The following IQCK variants were observed in gnomAD, a reference collection of about 807,000 sequenced individuals.
IQCK encodes IQ motif containing K.
A neutral mutation model predicts 28.1 loss-of-function variants in IQCK; 29 were observed. That is an observed-to-expected ratio of 1.03 (90% CI 0.77 to 1.41). IQCK has a LOEUF of 1.41. Ranked by LOEUF, IQCK falls within the 40% of genes most tolerant of loss-of-function variation. The probability of loss-of-function intolerance (pLI) is 0.00; values close to 1 mark genes in which losing one functional copy is unlikely to be tolerated. For missense variants in IQCK, 359 were observed against 314.7 expected, an observed-to-expected ratio of 1.14 and a Z score of -1.07; for synonymous variants, 113 against 115.1, an observed-to-expected ratio of 0.98 and a Z score of 0.12.
intron 4 of IQCK, among the ~76,000 whole-genome samples, chr16:19,763,488 GC>G (rs1269899134): frequency 6.6e-6 from 1 of 152,098 alleles, no homozygotes; most frequent in African/African-American, 2.4e-5. Flanking sequence ...TATTGCCCAG[GC>G]TGGAGTGCAG....
chr16:19,750,637 T>C (rs932750543), intron 4 of IQCK, among the ~76,000 whole-genome samples: 2 of 151,116 alleles, frequency 1.3e-5, no homozygotes, highest in Non-Finnish European at 2.9e-5. Context: ...AATTTTTGTG[T>C]TTTTAGTAGA....
chr16:19,835,054 C>T lies in IQCK; in HGVS notation c.802+7917C>T, dbSNP rs140697402. 4.5e-3 allele frequency among the ~76,000 whole-genome samples: 687 copies of T among 152,146 alleles called. 6 individuals are homozygous for T. Among genetic ancestry groups the T allele is most frequent in the African/African-American group, 0.015 (621 of 41,502 alleles). On this transcript the variant is annotated intron_variant, in intron 9 of 9. Coordinates refer to the IQCK transcript ENST00000320394. The stretch of plus-strand genomic sequence containing the variant: ...CCGAGGCAGGCGGATCACTTGAGGC[C>T]GGGAGTTTGAGATCAGCCTGGCCAA...
chr16:19,718,311 C>T lies in IQCK; in HGVS notation c.5C>T (p.Ala2Val), dbSNP rs984467903. Residue 2 changes from alanine (A) to valine (V), a missense_variant, in exon 1 of 8, where the codon GCG (alanine) becomes GTG (valine). By Grantham distance (64) the Ala-to-Val change is moderately conservative. Transcript: ENST00000564186. ...GTTACCGTGGAAACCGCGGCCATGG[C>T]GGCACCGCGGCAAATCCCCAGCCAC... 8 of 1,604,632 alleles carry T rather than the reference C, an allele frequency of 5.0e-6. No individual in the cohort carries two copies. The highest frequency in any genetic ancestry group is 3.4e-5 in the Admixed American group (2 of 59,154).
chr16:19,856,259 G>A (rs946070931), intron 9 of IQCK, among the ~76,000 whole-genome samples: 11 of 152,194 alleles, frequency 7.2e-5, no homozygotes, highest in African/African-American at 2.7e-4. Flanking sequence ...ATTAAGAATG[G>A]CCATGAACAG....
intron 4 of IQCK, among the ~76,000 whole-genome samples, chr16:19,745,099 C>T (rs1030615319): frequency 5.3e-5 from 8 of 152,142 alleles, no homozygotes; most frequent in African/African-American, 9.7e-5. Context: ...TAAAAAATTT[C>T]AAAAGAAGCA....
At chr16:19,778,516 G>A (rs943616589) in intron 6 of IQCK, among the ~76,000 whole-genome samples, 3 of 151,988 alleles carry the variant, frequency 2.0e-5, no homozygotes, top group African/African-American at 7.2e-5. Flanking sequence ...AATTAGCTGG[G>A]TGTGATGGCA....
intron 1 of IQCK, among the ~76,000 whole-genome samples, chr16:19,720,957 A>C (rs936628190): frequency 6.6e-6 from 1 of 151,824 alleles, no homozygotes; most frequent in Non-Finnish European, 1.5e-5. Flanking sequence ...GGTTGCAATG[A>C]CCTGAGATCG....
intron 9 of IQCK, among the ~76,000 whole-genome samples, chr16:19,852,623 T>A (rs2056498171): frequency 6.8e-6 from 1 of 147,898 alleles, no homozygotes; most frequent in Admixed American, 6.7e-5. Flanking sequence ...CTTCAACTTT[T>A]TTTTTTTTTT....
chr16:19,763,066 A>G (rs976753120), intron 4 of IQCK, among the ~76,000 whole-genome samples: 2 of 152,092 alleles, frequency 1.3e-5, no homozygotes, highest in African/African-American at 4.8e-5. Context: ...TCAAAACTTA[A>G]CTACTAATAG....
chr16:19,762,947 C>T (rs1347171533), intron 4 of IQCK, among the ~76,000 whole-genome samples: 1 of 151,942 alleles, frequency 6.6e-6, no homozygotes, highest in Admixed American at 6.6e-5. Flanking sequence ...GCTCGGGAGG[C>T]AGAAGTTGCA....
At chr16:19,750,018 C>G (rs1346436248) in intron 4 of IQCK, among the ~76,000 whole-genome samples, 1 of 152,140 alleles carries the variant, frequency 6.6e-6, no homozygotes, top group Admixed American at 6.5e-5. Context: ...ATGCGTGACC[C>G]CAGACCTTGC....
At chr16:19,815,496 AAAAACAAAAC>A (rs374060728) in intron 7 of IQCK, among the ~76,000 whole-genome samples, 31 of 151,850 alleles carry the variant, frequency 2.0e-4, no homozygotes, top group East Asian at 3.9e-4. Flanking sequence ...ACAATTAGGA[AAAAACAAAAC>A]AAAACAAAAC....
At chr16:19,734,553 C>T (rs909889709) in intron 3 of IQCK, among the ~76,000 whole-genome samples, 8 of 150,276 alleles carry the variant, frequency 5.3e-5, no homozygotes, top group African/African-American at 1.5e-4. Context: ...CGCTTGCACT[C>T]GGGAAGCGGA....
intron 7 of IQCK, among the ~76,000 whole-genome samples, chr16:19,809,721 G>A (rs1304032994): frequency 6.6e-6 from 1 of 152,240 alleles, no homozygotes; most frequent in African/African-American, 2.4e-5. Flanking sequence ...ATGGGGCACA[G>A]TGCAGCGGTT....
At chr16:19,841,847 CTT>C (rs35552172) in intron 9 of IQCK, among the ~76,000 whole-genome samples, 93 of 143,452 alleles carry the variant, frequency 6.5e-4, no homozygotes, top group Admixed American at 1.2e-3. Flanking sequence ...TGTAAGCCAT[CTT>C]TTTTTTTTTT....
At chr16:19,729,634 T>A (rs915708775) in intron 1 of IQCK, among the ~76,000 whole-genome samples, 1 of 151,616 alleles carries the variant, frequency 6.6e-6, no homozygotes, top group African/African-American at 2.4e-5. Flanking sequence ...TATTTTATTT[T>A]ATTTATTTAT....
intron 7 of IQCK, among the ~76,000 whole-genome samples, chr16:19,823,399 A>T (rs1417299600): frequency 5.9e-5 from 9 of 152,076 alleles, no homozygotes; most frequent in Admixed American, 4.6e-4. Context: ...TTTCTGCTTC[A>T]GTGTGCCCTG....
intron 4 of IQCK, among the ~76,000 whole-genome samples, chr16:19,758,269 A>C (rs1236532992): frequency 1.3e-5 from 2 of 152,192 alleles, no homozygotes; most frequent in Non-Finnish European, 2.9e-5. Flanking sequence ...TTTTTAAACT[A>C]AACAACAGCT....
chr16:19,854,338 C>T (rs1053516777), intron 9 of IQCK, among the ~76,000 whole-genome samples: 13 of 152,128 alleles, frequency 8.5e-5, no homozygotes, highest in Non-Finnish European at 1.2e-4. Context: ...TTCTCTCTGC[C>T]TGGAAAAGGG....
Sources: gnomAD v4.1 joint callset for allele counts (sites outside exome capture counted in the v4.1 genomes callset) on GRCh38, gnomAD v4.1.1 for gene constraint, MANE v1.5 for transcripts, NCBI Gene and HGNC (gene_info 2026-07-23, HGNC 2026-07-21) for gene names.